The following BCO1 variants were observed in gnomAD, a reference collection of about 807,000 sequenced individuals.
BCO1 encodes beta,beta-carotene 15,15'-dioxygenase.
BCO1 carries 54 observed loss-of-function variants against 56.3 expected under a neutral mutation model. The observed-to-expected ratio is 0.96, with a 90% CI of 0.77 to 1.20. The LOEUF (loss-of-function observed/expected upper bound fraction) is 1.20, where lower values mean the gene tolerates loss of function less well. Among genes scored for constraint, BCO1 ranks in the 50% most tolerant of loss-of-function variants. The pLI is 0.00. For missense variants in BCO1, 801 were observed against 690.9 expected (o/e 1.16, Z -1.79); for synonymous variants, 318 against 266.1 (o/e 1.20, Z -1.90).
intron 4 of BCO1, chr16:81,263,075 C>T (rs1049060958): frequency 6.7e-6 from 1 of 150,228 alleles, no homozygotes. Flanking sequence ...CACACTGCCT[C>T]TCCTTATGGG....
At chr16:81,259,608 G>C in intron 2 of BCO1, 68 bp from the exon 3 acceptor site, 1 of 1,607,232 alleles carries the variant, frequency 6.2e-7, no homozygotes, top group Non-Finnish European at 8.5e-7. Context: ...ACCCATACAA[G>C]GACTGACATT....
intron 2 of BCO1, among the ~76,000 whole-genome samples, chr16:81,259,347 T>A (rs567301753): frequency 3.6e-4 from 55 of 152,018 alleles, no homozygotes; most frequent in African/African-American, 1.3e-3. Flanking sequence ...TACAAAAATT[T>A]GCTGGTCGTG....
intron 1 of BCO1, among the ~76,000 whole-genome samples, chr16:81,244,877 A>T (rs1441874788): frequency 6.6e-6 from 1 of 151,470 alleles, no homozygotes; most frequent in Non-Finnish European, 1.5e-5. Flanking sequence ...ATGCCACCAC[A>T]ATGAGCTATG....
intron 2 of BCO1, among the ~76,000 whole-genome samples, chr16:81,255,014 C>A (rs142985528): frequency 6.6e-6 from 1 of 152,176 alleles, no homozygotes; most frequent in Non-Finnish European, 1.5e-5. Context: ...AACTCCTGGG[C>A]TCAAGCGATC....
At chr16:81,264,419 G>C (rs1010392458) in intron 4 of BCO1, among the ~76,000 whole-genome samples, 3 of 152,162 alleles carry the variant, frequency 2.0e-5, no homozygotes, top group Non-Finnish European at 4.4e-5. Flanking sequence ...CCCCATGTGA[G>C]GTTGTATAAG....
In BCO1 at chr16:81,264,439, G is replaced by A. The variant is rs543687844; in HGVS notation, c.472-201G>A. On this transcript the variant is annotated intron_variant, in intron 4 of 10. Coordinates refer to ENST00000258168, the MANE Select transcript of BCO1 (RefSeq NM_017429.3). ...TGTGAGGTTGTATAAGGTCACAAGA[G>A]TGAAAGTCTTCTTTAAAAGCAAATT... Among the ~76,000 whole-genome samples the A allele has an allele frequency of 3.3e-5, 5 of 152,316 alleles. No homozygotes were observed. The South Asian group carries it at 1.0e-3, about 32-fold the overall frequency.
At chr16:81,254,293 TA>T (rs1302242950) in intron 2 of BCO1, among the ~76,000 whole-genome samples, 1 of 123,114 alleles carries the variant, frequency 8.1e-6, no homozygotes, top group Admixed American at 8.9e-5. Flanking sequence ...CACGCCCGGC[TA>T]ATTTTTTTTT....
rs758970284 is a variant in BCO1 at position 81,270,396 on chromosome 16, G to A, written c.1081G>A (p.Val361Met). The A allele has an allele frequency of 7.4e-6, 12 of 1,613,870 alleles. No homozygotes were observed. The highest frequency in any genetic ancestry group is 4.0e-5 in the African/African-American group (3 of 74,892). The part of the protein sequence containing the change: ...TSVPTLRRFA[V>M]PLHVDKNAEV... ...GGTCCCCACCCTCAGGAGGTTTGCC[G>A]TGCCCCTCCACGTGGACAAGGTAAT... The change falls in exon 7 of 11, where the codon GTG becomes ATG. Residue 361 changes from valine to methionine, a missense_variant. Physicochemically the swap from Val to Met is conservative, Grantham distance 21 (BLOSUM62 1). Coordinates refer to ENST00000258168, the MANE Select transcript of BCO1 (RefSeq NM_017429.3).
At chr16:81,256,022 G>C (rs937242981) in intron 2 of BCO1, among the ~76,000 whole-genome samples, 23 of 151,882 alleles carry the variant, frequency 1.5e-4, no homozygotes, top group African/African-American at 5.6e-4. Context: ...CCCCATGTTG[G>C]CCAGGCTGGT....
chr16:81,242,833 C>T (rs577499241), intron 1 of BCO1, among the ~76,000 whole-genome samples: 1 of 152,228 alleles, frequency 6.6e-6, no homozygotes, highest in South Asian at 2.1e-4. Context: ...CCTCTCAGAT[C>T]GGTGGCATTA....
chr16:81,270,692 C>CTCTGTGTGTGTGTGTG (rs146010684), intron 7 of BCO1, among the ~76,000 whole-genome samples: 176 of 143,782 alleles, frequency 1.2e-3, no homozygotes, highest in Non-Finnish European at 1.6e-3. Flanking sequence ...CTCTCTGTGT[C>CTCTGTGTGTGTGTGTG]TGTGTGTGTG....
chr16:81,269,850 A>G (rs913063073), intron 6 of BCO1, among the ~76,000 whole-genome samples: 5 of 152,176 alleles, frequency 3.3e-5, no homozygotes, highest in African/African-American at 1.2e-4. Context: ...TGTCAGGACA[A>G]TGGAACAAGG....
chr16:81,259,658 C>G lies in BCO1; in HGVS notation c.194-18C>G. The G allele has an allele frequency of 6.2e-7, 1 of 1,614,194 alleles. No individual in the cohort carries two copies. Among genetic ancestry groups the G allele is most frequent in the Non-Finnish European group, 8.5e-7 (1 of 1,180,018 alleles). ...GTGAAGGCGTCAGCCTGAGATTATG[C>G]TGGTTCTTCTCTTGCAGGTGAAGTC... On this transcript the variant is annotated intron_variant, in intron 2 of 10. Transcript: ENST00000258168.
At chr16:81,280,777 A>T (rs1907832979) in intron 7 of BCO1, 80 bp from the exon 8 acceptor site, 2 of 1,066,168 alleles carry the variant, frequency 1.9e-6, no homozygotes, top group Non-Finnish European at 2.9e-6. Context: ...CAAGCATTTT[A>T]AAAAATATAT....
chr16:81,258,135 C>A (rs1343527901), intron 2 of BCO1, among the ~76,000 whole-genome samples: 1 of 152,186 alleles, frequency 6.6e-6, no homozygotes, highest in Non-Finnish European at 1.5e-5. Context: ...CCAAAAGGAA[C>A]TAGCCCTGTG....
At chr16:81,271,966 T>C (rs1476427598) in intron 7 of BCO1, among the ~76,000 whole-genome samples, 2 of 152,104 alleles carry the variant, frequency 1.3e-5, no homozygotes, top group Non-Finnish European at 2.9e-5. Context: ...AGGCCGGTCT[T>C]GAACTCCTGA....
rs368207431 is a variant in BCO1 at position 81,271,214 on chromosome 16, A to G, written c.1101+798A>G. 6.6e-5 allele frequency among the ~76,000 whole-genome samples: 10 copies of G among 151,594 alleles called. No individual in the cohort carries two copies. The East Asian group carries it at 1.9e-3, about 29-fold the overall frequency. Reference sequence around the variant, plus strand: ...ACTGCAACCTCTGCCTCCTGGATTCAAGCGGTTCTCCTGCCTCGGCCTCTC... The same window carrying G: ...ACTGCAACCTCTGCCTCCTGGATTCGAGCGGTTCTCCTGCCTCGGCCTCTC... On this transcript the variant is annotated intron_variant, in intron 7 of 10. Coordinates refer to ENST00000258168, the MANE Select transcript of BCO1 (RefSeq NM_017429.3).
intron 3 of BCO1, 38 bp downstream of exon 3, chr16:81,259,843 T>C (rs1906376334): frequency 1.9e-6 from 3 of 1,613,330 alleles, no homozygotes; most frequent in Non-Finnish European, 2.5e-6. Context: ...ATTTCATGCT[T>C]TTTGCTATCC....
chr16:81,239,887 C>T (rs1905037964), intron 1 of BCO1, among the ~76,000 whole-genome samples: 1 of 152,076 alleles, frequency 6.6e-6, no homozygotes, highest in African/African-American at 2.4e-5. Flanking sequence ...ACTCCCGGGT[C>T]CCCAGAGTGG....
Sources: allele counts gnomAD v4.1 joint callset (sites outside exome capture counted in the v4.1 genomes callset), GRCh38; gene constraint gnomAD v4.1.1; transcripts MANE v1.5; gene names NCBI Gene and HGNC (gene_info 2026-07-23, HGNC 2026-07-21).